RBM19: variants seen among roughly 807,000 people sequenced by gnomAD.
RBM19 encodes the protein probable RNA-binding protein 19.
A neutral mutation model predicts 116.8 loss-of-function variants in RBM19; 94 were observed. The ratio of observed to expected loss-of-function variants is 0.80; its 90% confidence interval spans 0.68 to 0.95. The LOEUF is 0.95. Ranked by LOEUF, RBM19 falls within the 40% of genes least tolerant of loss-of-function variation. RBM19 has a pLI of 0.00. For missense variants in RBM19, 1,161 were observed against 1,220.7 expected (o/e 0.95, Z 0.73); for synonymous variants, 475 against 494.1 (o/e 0.96, Z 0.51).
chr12:113,942,459 C>A, intron 13 of RBM19, 25 bp from the exon 14 acceptor site: 2 of 1,577,522 alleles, frequency 1.3e-6, no homozygotes, highest in South Asian at 2.3e-5. Context: ...AGGAAGAGTT[C>A]TGGTTGGCTG....
At chr12:113,858,499 G>A (rs1204962379) in intron 22 of RBM19, among the ~76,000 whole-genome samples, 1 of 152,164 alleles carries the variant, frequency 6.6e-6, no homozygotes, top group Non-Finnish European at 1.5e-5. Flanking sequence ...TCTTGATGAC[G>A]TGGAGAGGCC....
chr12:113,940,112 C>A lies in RBM19; in HGVS notation c.1786G>T (p.Ala596Ser). 1.2e-6 allele frequency: 2 copies of A among 1,614,172 alleles called. No individual in the cohort carries two copies. The highest frequency in any genetic ancestry group is 1.7e-6 in the Non-Finnish European group (2 of 1,180,020). The part of the protein sequence containing the change: ...KTVILVKNLP[A>S]GTLAAQLQET... ...TGCAGCTGGGCCGCCAGGGTGCCTGCCGGGAGGTTCTTGACCAGAATCACA... is the reference window on the plus strand; with the variant it reads ...TGCAGCTGGGCCGCCAGGGTGCCTGACGGGAGGTTCTTGACCAGAATCACA... The change falls in exon 15 of 24, where the codon GCA (alanine) becomes TCA (serine). Residue 596 changes from alanine (A) to serine (S), a missense_variant. Transcript: ENST00000261741.
At chr12:113,949,890 C>T (rs1453833312) in intron 9 of RBM19, among the ~76,000 whole-genome samples, 193 bp downstream of exon 9, 1 of 152,176 alleles carries the variant, frequency 6.6e-6, no homozygotes, top group Non-Finnish European at 1.5e-5. Context: ...TCAGTTTACT[C>T]TCTGTCAGCC....
rs560532058 is a variant in RBM19, at chr12:113,920,913, T to C, written c.2306-223A>G. Among the ~76,000 whole-genome samples the C allele has an allele frequency of 1.6e-4, 24 of 152,340 alleles. No individual in the cohort carries two copies. In the East Asian group the frequency reaches 4.2e-3, roughly 27 times the overall value. ...GGCTGCCACCTGAGGCCCATTTGACTATTAATTAACAGATGACTGACATGA... is the reference window on the plus strand; with the variant it reads ...GGCTGCCACCTGAGGCCCATTTGACCATTAATTAACAGATGACTGACATGA... On this transcript the variant is annotated intron_variant, in intron 18 of 23. Coordinates refer to ENST00000261741, the MANE Select transcript of RBM19 (RefSeq NM_016196.4).
chr12:113,914,270 G>T (rs996982463), intron 21 of RBM19, among the ~76,000 whole-genome samples: 1 of 152,222 alleles, frequency 6.6e-6, no homozygotes, highest in African/African-American at 2.4e-5. Flanking sequence ...AGAGAGGCCC[G>T]CCTGCTGCTC....
At chr12:113,871,727 C>T (rs1879217234) in intron 21 of RBM19, among the ~76,000 whole-genome samples, 1 of 152,262 alleles carries the variant, frequency 6.6e-6, no homozygotes, top group African/African-American at 2.4e-5. Context: ...CACACCTCAA[C>T]AGATCTGACC....
intron 22 of RBM19, among the ~76,000 whole-genome samples, chr12:113,858,534 C>T (rs770644685): frequency 6.6e-6 from 1 of 152,178 alleles, no homozygotes; most frequent in African/African-American, 2.4e-5. Context: ...GCTTCCCATC[C>T]CCAGTTTATG....
Position 113,872,098 on chromosome 12 carries a change from G to A in RBM19, c.2559-13202C>T, listed in dbSNP as rs1308451409. Among the ~76,000 whole-genome samples, 451 of 147,996 alleles carry A rather than the reference G, an allele frequency of 3.0e-3. 3 individuals are homozygous for A. Among genetic ancestry groups the A allele is most frequent in the African/African-American group, 0.01 (424 of 40,498 alleles). The stretch of plus-strand genomic sequence containing the variant: ...AAGTGAGGAGCGCCTCTTCCCAGCC[G>A]CCATCACATCTAGGAAGTGAGGAGC... On this transcript the variant is annotated intron_variant, in intron 21 of 23. Transcript: ENST00000261741.
chr12:113,826,844 C>G (rs138121222), intron 23 of RBM19, among the ~76,000 whole-genome samples: 6 of 152,290 alleles, frequency 3.9e-5, no homozygotes, highest in Non-Finnish European at 8.8e-5. Context: ...ACTCATGGGG[C>G]GGGGGCTCTT....
chr12:113,912,793 C>A (rs1169411915), intron 21 of RBM19, among the ~76,000 whole-genome samples: 1 of 152,198 alleles, frequency 6.6e-6, no homozygotes, highest in Non-Finnish European at 1.5e-5. Flanking sequence ...AAACCTCCCC[C>A]TGGCTAATGA....
intron 23 of RBM19, among the ~76,000 whole-genome samples, chr12:113,826,334 G>C (rs1874854235): frequency 6.6e-6 from 1 of 152,172 alleles, no homozygotes; most frequent in Non-Finnish European, 1.5e-5. Context: ...TGCCTGTTTT[G>C]TCCACTGTTC....
chr12:113,959,629 G>C (rs1401104051), intron 4 of RBM19, among the ~76,000 whole-genome samples: 1 of 152,150 alleles, frequency 6.6e-6, no homozygotes, highest in Non-Finnish European at 1.5e-5. Flanking sequence ...AGAAGACAAG[G>C]CCAGGGGAGA....
At chr12:113,881,955 C>T (rs1311403557) in intron 21 of RBM19, among the ~76,000 whole-genome samples, 2 of 152,390 alleles carry the variant, frequency 1.3e-5, no homozygotes, top group South Asian at 4.1e-4. Flanking sequence ...CACACGCACC[C>T]TGACCGTCAC....
intron 23 of RBM19, among the ~76,000 whole-genome samples, chr12:113,841,960 C>T (rs779469700): frequency 7.9e-5 from 12 of 152,214 alleles, no homozygotes; most frequent in African/African-American, 1.2e-4. Context: ...TCATAAATTA[C>T]TGCAGTGCTT....
rs56150788 is a variant in RBM19 at position 113,884,298 on chromosome 12, TACACACACAC to T, written c.2559-25412_2559-25403del. Among the ~76,000 whole-genome samples the T allele has an allele frequency of 1.8e-3, 250 of 137,336 alleles. 3 individuals are homozygous for T. Among genetic ancestry groups the T allele is most frequent in the African/African-American group, 5.9e-3 (212 of 35,726 alleles). 90.1% of individuals were successfully genotyped at this position (137,336 alleles called of 152,430 possible). On this transcript the variant is annotated intron_variant, in intron 21 of 23. Transcript: ENST00000261741. ...ACAATATCTCAAAAAAAAAAAAGTA[TACACACACAC>T]ACACACACACACACACACACACACA...
rs1025340404 is a variant in RBM19 at position 113,823,315 on chromosome 12, G to A, written c.2792C>T (p.Pro931Leu). 61 of 1,612,610 alleles carry A rather than the reference G, an allele frequency of 3.8e-5. No homozygotes were observed. Among genetic ancestry groups the A allele is most frequent in the Non-Finnish European group, 4.7e-5 (56 of 1,179,984 alleles). Residue 931 changes from proline (P) to leucine (L), a missense_variant, in exon 24 of 24, where the codon CCG becomes CTG. Pro to Leu is a moderately conservative substitution (Grantham distance 98). Transcript: ENST00000261741. ...RKTAAHFHEP[P>L]KKKRSVVLDE... ...CAACACCACAGACCGCTTTTTCTTC[G>A]GGGGCTCTGTGGGAGCCCAGATGGC... is the stretch of plus-strand genomic sequence containing the variant.
chr12:113,890,634 T>C (rs79467870), intron 21 of RBM19, among the ~76,000 whole-genome samples: 1 of 152,098 alleles, frequency 6.6e-6, no homozygotes, highest in Non-Finnish European at 1.5e-5. Flanking sequence ...GAGAGACTGG[T>C]TGAAAAACAA....
intron 23 of RBM19, among the ~76,000 whole-genome samples, chr12:113,823,909 A>G (rs1009451938): frequency 6.6e-5 from 10 of 152,214 alleles, no homozygotes; most frequent in African/African-American, 1.9e-4. Context: ...CAGGTGCTCG[A>G]TAAGTGGTGG....
chr12:113,851,124 G>T (rs1423544764), intron 22 of RBM19, among the ~76,000 whole-genome samples: 1 of 152,188 alleles, frequency 6.6e-6, no homozygotes, highest in Non-Finnish European at 1.5e-5. Flanking sequence ...GCAGGAGTTT[G>T]CCCAGAATAA....
Sources: allele counts gnomAD v4.1 joint callset (sites outside exome capture counted in the v4.1 genomes callset), GRCh38; gene constraint gnomAD v4.1.1; transcripts MANE v1.5; gene names NCBI Gene and HGNC (gene_info 2026-07-23, HGNC 2026-07-21).